The following CDYL variants were observed in gnomAD, a reference collection of about 807,000 sequenced individuals.
CDYL encodes chromodomain Y-like protein.
A neutral mutation model predicts 47.3 loss-of-function variants in CDYL; 8 were observed. The observed-to-expected ratio is 0.17, with a 90% CI of 0.10 to 0.31. The LOEUF is 0.31. Among genes scored for constraint, CDYL ranks in the 10% least tolerant of loss-of-function variants. The pLI, the probability that CDYL is intolerant of heterozygous loss-of-function variation, is 1.00. For missense variants in CDYL, 471 were observed against 701.4 expected, an observed-to-expected ratio of 0.67 and a Z score of 3.71; for synonymous variants, 266 against 265.0, an observed-to-expected ratio of 1.00 and a Z score of -0.04.
chr6:4,878,516 T>C (rs1451195549), intron 1 of CDYL, among the ~76,000 whole-genome samples: 3 of 151,988 alleles, frequency 2.0e-5, no homozygotes, highest in Admixed American at 2.0e-4. Flanking sequence ...TTGGTGTCAG[T>C]TTTGGCAAGT....
intron 2 of CDYL, among the ~76,000 whole-genome samples, chr6:4,716,057 G>C (rs916043667): frequency 2.0e-5 from 3 of 151,906 alleles, no homozygotes; most frequent in Non-Finnish European, 2.9e-5. Flanking sequence ...GACCATCCTG[G>C]TTAACACGGT....
chr6:4,718,387 T>C (rs1001896180), intron 2 of CDYL: 1 of 152,154 alleles, frequency 6.6e-6, no homozygotes, highest in African/African-American at 2.4e-5. Flanking sequence ...CAAATGATTC[T>C]CCCACCTCAG....
chr6:4,715,893 C>G (rs1358720746), intron 2 of CDYL: 2 of 1,611,766 alleles, frequency 1.2e-6, no homozygotes, highest in Admixed American at 1.7e-5. Context: ...TAAGAACTTG[C>G]AGGAATCAAA....
chr6:4,731,830 AAAG>A (rs1241718747), intron 2 of CDYL, among the ~76,000 whole-genome samples: 2 of 152,250 alleles, frequency 1.3e-5, no homozygotes, highest in Non-Finnish European at 2.9e-5. Flanking sequence ...CAAAAAAAAA[AAAG>A]AAATCATTGC....
chr6:4,715,984 C>T (rs974535767), intron 2 of CDYL: 6 of 1,494,070 alleles, frequency 4.0e-6, no homozygotes, highest in South Asian at 1.3e-5. Context: ...CACGGTGGCT[C>T]ACGCCTATAA....
intron 5 of CDYL, 57 bp downstream of exon 5, chr6:4,943,813 A>T: frequency 7.7e-7 from 1 of 1,306,536 alleles, no homozygotes; most frequent in Non-Finnish European, 1.1e-6. Flanking sequence ...TTCCTGAAGA[A>T]ATCTAGTTTG....
intron 3 of CDYL, among the ~76,000 whole-genome samples, chr6:4,756,926 A>C (rs1012541479): frequency 6.6e-6 from 1 of 152,196 alleles, no homozygotes; most frequent in Admixed American, 6.5e-5. Context: ...TTATTACAAG[A>C]GAATTTAGGC....
intron 1 of CDYL, among the ~76,000 whole-genome samples, chr6:4,871,177 A>G (rs1264345888): frequency 6.6e-6 from 1 of 152,110 alleles, no homozygotes; most frequent in Non-Finnish European, 1.5e-5. Context: ...TGTTCTCTTC[A>G]TCACTCCCTG....
intron 1 of CDYL, among the ~76,000 whole-genome samples, chr6:4,849,795 A>G (rs901970152): frequency 2.0e-5 from 3 of 152,164 alleles, no homozygotes; most frequent in Non-Finnish European, 4.4e-5. Context: ...ATAGCAGGAA[A>G]CAGTACTAAT....
chr6:4,910,832 AT>A (rs34456219), intron 2 of CDYL, among the ~76,000 whole-genome samples: 13,494 of 146,850 alleles, frequency 0.092, 743 homozygotes, highest in African/African-American at 0.15. Flanking sequence ...CTGAGAAAGG[AT>A]TTTTTTTTTT....
intron 1 of CDYL, among the ~76,000 whole-genome samples, chr6:4,817,030 G>A (rs1003108751): frequency 6.6e-6 from 1 of 152,132 alleles, no homozygotes; most frequent in African/African-American, 2.4e-5. Context: ...AGCATTTCCT[G>A]ATATCATCAA....
intron 1 of CDYL, among the ~76,000 whole-genome samples, chr6:4,828,151 C>G (rs763202895): frequency 4.6e-5 from 7 of 151,808 alleles, no homozygotes; most frequent in Non-Finnish European, 1.0e-4. Flanking sequence ...GATGAACTTC[C>G]TCAGCTTTTA....
At chr6:4,780,511 C>T (rs1351553843) in intron 1 of CDYL, among the ~76,000 whole-genome samples, 2 of 150,422 alleles carry the variant, frequency 1.3e-5, no homozygotes, top group African/African-American at 4.9e-5. Context: ...TCAAGTGATC[C>T]GCCCACCTTG....
chr6:4,715,853 C>A lies in CDYL; in HGVS notation c.75C>A (p.Thr25=), dbSNP rs761407289. 10 of 1,614,044 alleles carry A rather than the reference C, an allele frequency of 6.2e-6. No homozygotes were observed. In the South Asian group the frequency reaches 1.1e-4, roughly 18 times the overall value. The change falls in exon 2 of 9, where the codon ACC becomes ACA. Residue 25 remains threonine (T), a synonymous_variant. Transcript: ENST00000328908. Reference sequence around the variant, plus strand: ...AAAACTGGCAATACGAGGGCCCAACCCAAAAGTTATTCCTGAAGAGAAACA... The same window carrying A: ...AAAACTGGCAATACGAGGGCCCAACACAAAAGTTATTCCTGAAGAGAAACA...
chr6:4,806,464 G>A (rs1392698920), intron 1 of CDYL, among the ~76,000 whole-genome samples: 2 of 152,106 alleles, frequency 1.3e-5, no homozygotes, highest in African/African-American at 4.8e-5. Flanking sequence ...TTAGAGTTTC[G>A]CAGCAAAGTT....
At chr6:4,787,461 C>T (rs1463510148) in intron 1 of CDYL, among the ~76,000 whole-genome samples, 1 of 152,138 alleles carries the variant, frequency 6.6e-6, no homozygotes, top group Non-Finnish European at 1.5e-5. Flanking sequence ...CTAAGTAGCT[C>T]TAGATTGGGG....
Position 4,847,282 on chromosome 6 carries a change from C to T in CDYL, c.25-44431C>T, listed in dbSNP as rs189586168. ...TCTCATTACTTTGTCACTTGCCGCC[C>T]CCATCCGTCCCTGTCTCATGGTCCA... On this transcript the variant is annotated intron_variant, in intron 1 of 6. Transcript: ENST00000397588. Among the ~76,000 whole-genome samples the T allele has an allele frequency of 3.3e-5, 5 of 152,304 alleles. No individual in the cohort carries two copies. The East Asian group carries it at 9.6e-4, about 29-fold the overall frequency.
At chr6:4,947,771 GC>G (rs1758569125) in intron 5 of CDYL, among the ~76,000 whole-genome samples, 1 of 152,202 alleles carries the variant, frequency 6.6e-6, no homozygotes, top group South Asian at 2.1e-4. Context: ...CAGAAAGGAA[GC>G]AGGATTGGGC....
At chr6:4,802,561 A>G (rs1473093393) in intron 1 of CDYL, among the ~76,000 whole-genome samples, 1 of 152,074 alleles carries the variant, frequency 6.6e-6, no homozygotes, top group Admixed American at 6.6e-5. Flanking sequence ...AACAGTTATT[A>G]TAAATGTTAT....
Sources: allele counts gnomAD v4.1 joint callset (sites outside exome capture counted in the v4.1 genomes callset), GRCh38; gene constraint gnomAD v4.1.1; transcripts MANE v1.5; gene names NCBI Gene and HGNC (gene_info 2026-07-23, HGNC 2026-07-21).